DTNA: variants seen among roughly 807,000 people sequenced by gnomAD.
The protein encoded by DTNA is dystrobrevin alpha.
Under a neutral mutation model 100.7 loss-of-function variants are expected in DTNA, and 43 were observed. The observed-to-expected ratio is 0.43, with a 90% CI of 0.33 to 0.55. The LOEUF (loss-of-function observed/expected upper bound fraction) is 0.55. DTNA is among the 20% of genes least tolerant of loss of function. The pLI, the probability that DTNA is intolerant of heterozygous loss-of-function variation, is 0.04. For missense variants in DTNA, 798 were observed against 953.9 expected, an observed-to-expected ratio of 0.84 and a Z score of 2.15; for synonymous variants, 349 against 347.9, an observed-to-expected ratio of 1.00 and a Z score of -0.04.
At chr18:34,626,662 C>A (rs1156696169) in intron 1 of DTNA, among the ~76,000 whole-genome samples, 1 of 152,106 alleles carries the variant, frequency 6.6e-6, no homozygotes, top group Non-Finnish European at 1.5e-5. Flanking sequence ...AAGATCAGTT[C>A]AATTTCCACC....
chr18:34,665,190 A>G (rs2144717506), intron 1 of DTNA, among the ~76,000 whole-genome samples: 1 of 152,202 alleles, frequency 6.6e-6, no homozygotes, highest in South Asian at 2.1e-4. Flanking sequence ...CAGTAAAAGT[A>G]TCTCTTTGTC....
chr18:34,715,580 C>T (rs1440161777), intron 1 of DTNA, among the ~76,000 whole-genome samples: 2 of 152,156 alleles, frequency 1.3e-5, no homozygotes, highest in East Asian at 1.9e-4. Context: ...TACCTCTACA[C>T]ATCCCTGACA....
chr18:34,831,631 A>G (rs1790533), intron 11 of DTNA, among the ~76,000 whole-genome samples: 42,726 of 151,960 alleles, frequency 0.28, 6,440 homozygotes, highest in African/African-American at 0.39. Flanking sequence ...GGCCAGGCAC[A>G]GTGGCGGGTG....
At chr18:34,551,757 T>A (rs943643169) in intron 1 of DTNA, among the ~76,000 whole-genome samples, 2 of 152,280 alleles carry the variant, frequency 1.3e-5, no homozygotes, top group East Asian at 3.9e-4. Flanking sequence ...GAATGCCATT[T>A]AAAAATATAT....
intron 1 of DTNA, among the ~76,000 whole-genome samples, chr18:34,668,935 A>G (rs1277460008): frequency 6.6e-6 from 1 of 152,192 alleles, no homozygotes; most frequent in Non-Finnish European, 1.5e-5. Flanking sequence ...GTAGATGTCT[A>G]TTAGGTCCAC....
chr18:34,538,504 G>A (rs1421757582), intron 1 of DTNA, among the ~76,000 whole-genome samples: 1 of 151,976 alleles, frequency 6.6e-6, no homozygotes, highest in Non-Finnish European at 1.5e-5. Context: ...GAATCTCTAC[G>A]CAGTGAGCTT....
intron 1 of DTNA, among the ~76,000 whole-genome samples, chr18:34,747,049 T>C (rs2091697655): frequency 6.6e-6 from 1 of 152,034 alleles, no homozygotes; most frequent in Admixed American, 6.6e-5. Context: ...ATGGCATTTT[T>C]CTGTTTCTTA....
intron 5 of DTNA, among the ~76,000 whole-genome samples, chr18:34,810,520 G>T (rs2095464595): frequency 6.6e-6 from 1 of 151,576 alleles, no homozygotes; most frequent in East Asian, 1.9e-4. Context: ...GTGCTTATTA[G>T]AGGCTGGGAA....
intron 1 of DTNA, among the ~76,000 whole-genome samples, chr18:34,712,658 C>A (rs1177261146): frequency 6.6e-6 from 1 of 152,092 alleles, no homozygotes; most frequent in Non-Finnish European, 1.5e-5. Flanking sequence ...TTGCTTTAAA[C>A]TGTAAATTTT....
chr18:34,769,724 G>GTTTTTTTTTTTTTTTTTTTTT (rs1264439291), intron 3 of DTNA, among the ~76,000 whole-genome samples: 1 of 41,412 alleles, frequency 2.4e-5, no homozygotes, highest in Non-Finnish European at 6.6e-5. Context: ...GCCCTCTGGG[G>GTTTTTTTTTTTTTTTTTTTTT]CTTTTTTTTT....
intron 1 of DTNA, among the ~76,000 whole-genome samples, chr18:34,582,052 A>G (rs1249519624): frequency 1.3e-5 from 2 of 152,148 alleles, no homozygotes; most frequent in East Asian, 3.9e-4. Context: ...CTACCTTAAT[A>G]TGTGTATCTT....
chr18:34,536,858 C>A (rs2043766886), intron 1 of DTNA, among the ~76,000 whole-genome samples: 2 of 151,732 alleles, frequency 1.3e-5, no homozygotes, highest in African/African-American at 4.8e-5. Flanking sequence ...TATATCAGAG[C>A]AAAAATATTC....
intron 1 of DTNA, chr18:34,737,792 T>G (rs975896018): frequency 1.3e-5 from 2 of 152,184 alleles, no homozygotes; most frequent in African/African-American, 4.8e-5. Flanking sequence ...CCGGCTGTAG[T>G]CAGTGTAGTG....
At chr18:34,496,986 G>T (rs552019332) in intron 1 of DTNA, among the ~76,000 whole-genome samples, 12 of 152,328 alleles carry the variant, frequency 7.9e-5, no homozygotes, top group African/African-American at 2.9e-4. Context: ...TGGACATGGG[G>T]AGGTTTACAA....
intron 18 of DTNA, among the ~76,000 whole-genome samples, chr18:34,876,693 A>G (rs2096822152): frequency 6.6e-6 from 1 of 152,198 alleles, no homozygotes. Context: ...AAATCTTAAC[A>G]CACTTCAATG....
chr18:34,670,212 ATTGGCTACTGAAGC>A (rs2076550440), intron 1 of DTNA, among the ~76,000 whole-genome samples: 1 of 152,128 alleles, frequency 6.6e-6, no homozygotes, highest in African/African-American at 2.4e-5. Flanking sequence ...AGTTGATCGA[ATTGGCTACTGAAGC>A]TTGTGCATTC....
chr18:34,717,899 G>T (rs2084378032), intron 1 of DTNA, among the ~76,000 whole-genome samples: 1 of 152,156 alleles, frequency 6.6e-6, no homozygotes, highest in African/African-American at 2.4e-5. Flanking sequence ...AAATAGACTA[G>T]TGTGTAGACA....
At position 34,674,055 on chromosome 18, in the gene DTNA, A is replaced by T. The variant is rs58598908; in HGVS notation, c.-1-81921A>T. Among the ~76,000 whole-genome samples, 102 of 152,336 alleles carry T rather than the reference A, an allele frequency of 6.7e-4. 1 individual carries two copies. In the East Asian group the frequency reaches 0.016, roughly 25 times the overall value. ...TTTGATGGAAATGAATTATAGATGCACAACCCCTTCTGAGATTAGATTAAT... is the reference window on the plus strand; with the variant it reads ...TTTGATGGAAATGAATTATAGATGCTCAACCCCTTCTGAGATTAGATTAAT... On this transcript the variant is annotated intron_variant, in intron 1 of 19. Transcript: ENST00000283365.
chr18:34,845,754 G>T (rs1470829973), intron 13 of DTNA, among the ~76,000 whole-genome samples: 2 of 152,188 alleles, frequency 1.3e-5, no homozygotes, highest in Admixed American at 6.6e-5. Context: ...ATTGCAGAAT[G>T]CAGACATTAT....
Sources: allele counts gnomAD v4.1 joint callset (sites outside exome capture counted in the v4.1 genomes callset), GRCh38; gene constraint gnomAD v4.1.1; transcripts MANE v1.5; gene names NCBI Gene and HGNC (gene_info 2026-07-23, HGNC 2026-07-21).